The following RYR3 variants were observed in gnomAD, a reference collection of about 807,000 sequenced individuals.
RYR3 encodes ryanodine receptor 3.
RYR3 carries 207 observed loss-of-function variants against 584.3 expected under a neutral mutation model. That is an observed-to-expected ratio of 0.35 (90% CI 0.32 to 0.40). RYR3 has a LOEUF of 0.40. RYR3 is among the 10% of genes least tolerant of loss of function. RYR3 has a pLI of 1.00. For missense variants in RYR3, 5,616 were observed against 6,089.2 expected (o/e 0.92, Z 2.59); for synonymous variants, 2,416 against 2,248.5 (o/e 1.07, Z -2.11).
intron 1 of RYR3, among the ~76,000 whole-genome samples, chr15:33,326,988 A>G (rs1969785602): frequency 7.2e-6 from 1 of 139,644 alleles, no homozygotes; most frequent in Non-Finnish European, 1.5e-5. Context: ...TGTACTTGAT[A>G]AGCCTTAGGG....
At chr15:33,415,605 C>G (rs1477465485) in intron 1 of RYR3, among the ~76,000 whole-genome samples, 1 of 151,676 alleles carries the variant, frequency 6.6e-6, no homozygotes, top group Non-Finnish European at 1.5e-5. Flanking sequence ...CCACTGCAAG[C>G]AAAGACCGTG....
intron 36 of RYR3, among the ~76,000 whole-genome samples, chr15:33,667,773 C>T (rs1451202415): frequency 6.6e-6 from 1 of 151,870 alleles, no homozygotes; most frequent in Non-Finnish European, 1.5e-5. Context: ...ACTAAAAATC[C>T]CTGAGTCAGG....
intron 1 of RYR3, among the ~76,000 whole-genome samples, chr15:33,444,843 C>A (rs2046497152): frequency 6.6e-6 from 1 of 151,562 alleles, no homozygotes; most frequent in African/African-American, 2.4e-5. Context: ...CAACATGGCA[C>A]ATGTATACAT....
chr15:33,464,507 T>TACATATAC (rs1567296111), intron 1 of RYR3, among the ~76,000 whole-genome samples: 4 of 121,060 alleles, frequency 3.3e-5, no homozygotes, highest in Non-Finnish European at 7.1e-5. Context: ...TATATATACA[T>TACATATAC]ACACATACAC....
intron 1 of RYR3, among the ~76,000 whole-genome samples, chr15:33,448,210 A>C (rs2046830515): frequency 6.6e-6 from 1 of 152,198 alleles, no homozygotes; most frequent in Admixed American, 6.5e-5. Context: ...AGCCCCTCTC[A>C]AGAAAGCAGA....
At chr15:33,420,687 T>C (rs973878438) in intron 1 of RYR3, among the ~76,000 whole-genome samples, 1 of 152,038 alleles carries the variant, frequency 6.6e-6, no homozygotes, top group African/African-American at 2.4e-5. Context: ...TTTAAAACAA[T>C]CTCACAAATT....
chr15:33,599,745 A>C (rs1207374876), intron 16 of RYR3, among the ~76,000 whole-genome samples: 2 of 152,206 alleles, frequency 1.3e-5, no homozygotes. Flanking sequence ...CTATTTTAGA[A>C]AAGGAAGTTT....
chr15:33,686,352 G>A lies in RYR3; in HGVS notation c.5861-9866G>A, dbSNP rs1229578889. 3.3e-5 allele frequency among the ~76,000 whole-genome samples: 5 copies of A among 151,762 alleles called. No individual in the cohort carries two copies. In the East Asian group the frequency reaches 5.9e-4, roughly 18 times the overall value. ...AAGAAATGGATTACTTCCTGGACAC[G>A]TACACCCTCCCAAGACTACACCAGG... On this transcript the variant is annotated intron_variant, in intron 38 of 103. Coordinates refer to ENST00000634891, the MANE Select transcript of RYR3 (RefSeq NM_001036.6).
At chr15:33,690,428 C>T (rs2152755101) in intron 38 of RYR3, among the ~76,000 whole-genome samples, 1 of 152,344 alleles carries the variant, frequency 6.6e-6, no homozygotes, top group South Asian at 2.1e-4. Flanking sequence ...TTAATCCTCA[C>T]TTTATTTCTC....
intron 36 of RYR3, among the ~76,000 whole-genome samples, chr15:33,666,405 A>C (rs2152714134): frequency 6.6e-6 from 1 of 152,308 alleles, no homozygotes; most frequent in Non-Finnish European, 1.5e-5. Context: ...TCTGAGAATA[A>C]AAATGAAAGA....
chr15:33,820,635 G>A (rs887808418), intron 77 of RYR3, 121 bp from the exon 78 acceptor site: 10 of 783,866 alleles, frequency 1.3e-5, no homozygotes, highest in Admixed American at 2.7e-5. Context: ...TTTACACAAC[G>A]CTGAGGTCCT....
chr15:33,789,966 G>T (rs2075046147), intron 67 of RYR3, among the ~76,000 whole-genome samples: 1 of 133,972 alleles, frequency 7.5e-6, no homozygotes, highest in South Asian at 2.5e-4. Flanking sequence ...TTACAGGCGT[G>T]AGCCACCACG....
rs1424224298 is a variant in RYR3, at chr15:33,816,854, C to T, written c.10503-8C>T. On this transcript the variant is annotated splice_polypyrimidine_tract_variant and splice_region_variant and intron_variant, in intron 74 of 103. Coordinates refer to ENST00000634891, the MANE Select transcript of RYR3 (RefSeq NM_001036.6). ...CCTCTTGACCTCCCTCTCACCCCTT[C>T]CGCTCAGGCACCGCTCTATTAACCT... is the stretch of plus-strand genomic sequence containing the variant. 3 of 1,601,978 alleles carry T rather than the reference C, an allele frequency of 1.9e-6. No individual in the cohort carries two copies. Among genetic ancestry groups the T allele is most frequent in the Non-Finnish European group, 2.6e-6 (3 of 1,170,766 alleles).
intron 103 of RYR3, among the ~76,000 whole-genome samples, 187 bp downstream of exon 103, chr15:33,864,376 A>T (rs1378105534): frequency 6.6e-6 from 1 of 151,560 alleles, no homozygotes; most frequent in Non-Finnish European, 1.5e-5. Context: ...ACAAACACTG[A>T]CATTTTCTAA....
intron 1 of RYR3, among the ~76,000 whole-genome samples, chr15:33,435,605 T>C (rs955798792): frequency 1.3e-5 from 2 of 152,230 alleles, no homozygotes; most frequent in African/African-American, 4.8e-5. Context: ...GTGTCTCGCA[T>C]TTATTCCTTC....
intron 38 of RYR3, among the ~76,000 whole-genome samples, chr15:33,694,555 G>A (rs2004635): frequency 0.78 from 118,970 of 152,004 alleles, 46,885 homozygotes; most frequent in East Asian, 0.89. Context: ...AGATTTTTTT[G>A]AATAATATGA....
intron 1 of RYR3, among the ~76,000 whole-genome samples, chr15:33,341,288 G>A (rs139946783): frequency 2.6e-5 from 4 of 151,968 alleles, no homozygotes; most frequent in East Asian, 1.9e-4. Context: ...ACCCACCCGC[G>A]TCAGCCTCCC....
At chr15:33,508,637 A>C (rs2142842582) in intron 3 of RYR3, among the ~76,000 whole-genome samples, 1 of 152,310 alleles carries the variant, frequency 6.6e-6, no homozygotes, top group South Asian at 2.1e-4. Flanking sequence ...GCGACAGAGC[A>C]AGTCTCCATC....
In RYR3 at chr15:33,862,321, G is replaced by A. The variant is rs781577228; in HGVS notation, c.14465+1143G>A. ...TCCACCTCCCAGGCTCAAGACATCC[G>A]CCTCAGCCTCCTGAGTAGCTGGGAC... On this transcript the variant is annotated intron_variant, in intron 102 of 103. Coordinates refer to ENST00000634891, the MANE Select transcript of RYR3 (RefSeq NM_001036.6). 2.8e-4 allele frequency among the ~76,000 whole-genome samples: 42 copies of A among 151,800 alleles called. 1 individual carries two copies. The highest frequency in any genetic ancestry group is 2.4e-3 in the Admixed American group (36 of 15,230).
Sources: allele counts gnomAD v4.1 joint callset (sites outside exome capture counted in the v4.1 genomes callset), GRCh38; gene constraint gnomAD v4.1.1; transcripts MANE v1.5; gene names NCBI Gene and HGNC (gene_info 2026-07-23, HGNC 2026-07-21).